The following APP variants were observed in gnomAD, a reference collection of about 807,000 sequenced individuals.
APP encodes amyloid-beta precursor protein.
A neutral mutation model predicts 101.4 loss-of-function variants in APP; 31 were observed. The observed-to-expected ratio is 0.31, with a 90% CI of 0.23 to 0.41. The LOEUF is 0.41. Ranked by LOEUF, APP falls within the 10% of genes least tolerant of loss-of-function variation. The pLI, the probability that APP is intolerant of heterozygous loss-of-function variation, is 1.00. For missense variants in APP, 839 were observed against 1,003.7 expected (o/e 0.84, Z 2.22); for synonymous variants, 366 against 364.4 (o/e 1.00, Z -0.05).
At chr21:26,031,727 G>A (rs1401959192) in intron 5 of APP, among the ~76,000 whole-genome samples, 3 of 152,046 alleles carry the variant, frequency 2.0e-5, no homozygotes, top group Admixed American at 2.0e-4. Context: ...ACAACATGTG[G>A]GAATTCTGGG....
At chr21:26,132,521 T>C (rs2062816430) in intron 1 of APP, among the ~76,000 whole-genome samples, 1 of 89,942 alleles carries the variant, frequency 1.1e-5, no homozygotes, top group African/African-American at 1.1e-4. Context: ...CTCCTCTACC[T>C]TTAAAAAAAA....
In APP at chr21:26,004,204, G is replaced by A. The variant is rs116857714; in HGVS notation, c.866-4022C>T. Among the ~76,000 whole-genome samples the A allele has an allele frequency of 4.3e-4, 65 of 152,096 alleles. 1 individual carries two copies. The highest frequency in any genetic ancestry group is 3.7e-3 in the East Asian group (19 of 5,178). ...AGACTTGGGTTAAAGCAGTGTTAAG[G>A]GATTAATGTCAATTTAATAGTTGTG... On this transcript the variant is annotated intron_variant, in intron 6 of 17. Coordinates refer to ENST00000346798, the MANE Select transcript of APP (RefSeq NM_000484.4).
intron 3 of APP, among the ~76,000 whole-genome samples, chr21:26,058,843 A>G (rs1347461420): frequency 6.6e-6 from 1 of 152,204 alleles, no homozygotes; most frequent in African/African-American, 2.4e-5. Flanking sequence ...GCACTTTGGG[A>G]GGCCGAGGCG....
chr21:26,015,745 T>C (rs900908435), intron 6 of APP, among the ~76,000 whole-genome samples: 2 of 152,008 alleles, frequency 1.3e-5, no homozygotes, highest in Non-Finnish European at 2.9e-5. Flanking sequence ...GTATGTGAAA[T>C]AGAAAGAACT....
intron 3 of APP, among the ~76,000 whole-genome samples, chr21:26,074,508 C>T: frequency 6.6e-6 from 1 of 152,212 alleles, no homozygotes; most frequent in East Asian, 1.9e-4. Context: ...GTAATTCCAG[C>T]ACTAGGCCGA....
chr21:25,905,197 G>C, intron 14 of APP, 120 bp from the exon 15 acceptor site: 1 of 844,504 alleles, frequency 1.2e-6, no homozygotes, highest in Non-Finnish European at 2.0e-6. Context: ...TTACAAAAAA[G>C]GAGCAGCCAG....
chr21:25,899,246 A>G (rs1275699745), intron 15 of APP, among the ~76,000 whole-genome samples: 1 of 152,212 alleles, frequency 6.6e-6, no homozygotes, highest in African/African-American at 2.4e-5. Flanking sequence ...AAGTTCTCTT[A>G]GCCTGCAGTT....
chr21:26,159,094 T>C (rs1004045909), intron 1 of APP, among the ~76,000 whole-genome samples: 1 of 152,196 alleles, frequency 6.6e-6, no homozygotes, highest in Non-Finnish European at 1.5e-5. Flanking sequence ...AAATTTTTTT[T>C]TTTTTTGAGA....
intron 2 of APP, among the ~76,000 whole-genome samples, chr21:26,090,921 C>G (rs567250655): frequency 1.3e-5 from 2 of 152,294 alleles, no homozygotes; most frequent in East Asian, 3.9e-4. Context: ...ACTACAGCCC[C>G]TTGCTTTGAT....
intron 13 of APP, among the ~76,000 whole-genome samples, chr21:25,951,138 C>T (rs998944014): frequency 0.06 from 7 of 116 alleles, no homozygotes; most frequent in Admixed American, 0.28. Flanking sequence ...ATGGAAGATA[C>T]AAGGCCAGGG....
At chr21:25,888,045 C>T (rs2037455318) in intron 17 of APP, among the ~76,000 whole-genome samples, 2 of 152,124 alleles carry the variant, frequency 1.3e-5, no homozygotes, top group South Asian at 2.1e-4. Context: ...TCCTGGAAAC[C>T]AAAGCTTTCA....
intron 13 of APP, among the ~76,000 whole-genome samples, chr21:25,936,286 G>C (rs2040362435): frequency 6.6e-6 from 1 of 152,220 alleles, no homozygotes; most frequent in Non-Finnish European, 1.5e-5. Context: ...CGGGTGCGGG[G>C]CTCACGCCTG....
At chr21:25,978,153 A>G (rs2042291707) in intron 9 of APP, among the ~76,000 whole-genome samples, 1 of 152,258 alleles carries the variant, frequency 6.6e-6, no homozygotes, top group African/African-American at 2.4e-5. Flanking sequence ...TGAGTTGCAA[A>G]TAAGCATTAC....
At chr21:25,948,077 A>AT (rs1826643288) in intron 13 of APP, among the ~76,000 whole-genome samples, 1 of 151,690 alleles carries the variant, frequency 6.6e-6, no homozygotes, top group South Asian at 2.1e-4. Context: ...ATCTATATAC[A>AT]TTTAAAAGTC....
intron 8 of APP, among the ~76,000 whole-genome samples, chr21:25,996,022 C>T (rs1162854407): frequency 1.3e-5 from 2 of 151,746 alleles, no homozygotes; most frequent in Non-Finnish European, 2.9e-5. Context: ...GCCTCTTCTT[C>T]CAGCAATCAT....
At chr21:26,145,190 G>C (rs1357167875) in intron 1 of APP, among the ~76,000 whole-genome samples, 2 of 152,152 alleles carry the variant, frequency 1.3e-5, no homozygotes, top group South Asian at 2.1e-4. Flanking sequence ...GAACCAAGGA[G>C]TCCTACATTC....
At chr21:26,092,081 T>C (rs931399356) in intron 2 of APP, among the ~76,000 whole-genome samples, 1 of 152,248 alleles carries the variant, frequency 6.6e-6, no homozygotes, top group Non-Finnish European at 1.5e-5. Flanking sequence ...AGGAGAACTA[T>C]GCATGGCTTG....
intron 1 of APP, among the ~76,000 whole-genome samples, chr21:26,152,102 C>T (rs2063284807): frequency 6.6e-6 from 1 of 151,740 alleles, no homozygotes; most frequent in Non-Finnish European, 1.5e-5. Flanking sequence ...TGGTGAAACC[C>T]TATCTCTACT....
intron 1 of APP, among the ~76,000 whole-genome samples, chr21:26,154,104 T>A (rs2063329578): frequency 6.6e-6 from 1 of 152,152 alleles, no homozygotes; most frequent in Non-Finnish European, 1.5e-5. Context: ...AGGAATGCAA[T>A]AGGCTTAAGC....
Sources: allele counts gnomAD v4.1 joint callset (sites outside exome capture counted in the v4.1 genomes callset), GRCh38; gene constraint gnomAD v4.1.1; transcripts MANE v1.5; gene names NCBI Gene and HGNC (gene_info 2026-07-23, HGNC 2026-07-21).